The following RORA variants were observed in gnomAD, a reference collection of about 807,000 sequenced individuals.
RORA encodes RAR related orphan receptor A, also known as nuclear receptor ROR-alpha.
In RORA, 7 loss-of-function variants were observed where a neutral mutation model predicts 69.5. That is an observed-to-expected ratio of 0.10 (90% CI 0.06 to 0.19). The LOEUF (loss-of-function observed/expected upper bound fraction) is 0.19, where lower values mean the gene tolerates loss of function less well. Ranked by LOEUF, RORA falls within the 10% of genes least tolerant of loss-of-function variation. The probability of loss-of-function intolerance (pLI) is 1.00; values close to 1 mark genes in which losing one functional copy is unlikely to be tolerated. For missense variants in RORA, 457 were observed against 663.0 expected (o/e 0.69, Z 3.41); for synonymous variants, 261 against 240.8 (o/e 1.08, Z -0.78).
chr15:60,978,009 A>G (rs1000413607), intron 1 of RORA, among the ~76,000 whole-genome samples: 2 of 152,164 alleles, frequency 1.3e-5, no homozygotes, highest in African/African-American at 4.8e-5. Context: ...TGGTAACTCT[A>G]TGTTTAATTT....
intron 1 of RORA, among the ~76,000 whole-genome samples, chr15:61,016,808 A>G (rs1895305894): frequency 6.6e-6 from 1 of 152,210 alleles, no homozygotes; most frequent in Non-Finnish European, 1.5e-5. Context: ...TGAGGCAAGC[A>G]GAGAAAACTG....
Position 60,798,935 on chromosome 15 carries a change from CTTT to C in RORA, c.167-120252_167-120250del, listed in dbSNP as rs35043218. 6.9e-5 allele frequency among the ~76,000 whole-genome samples: 10 copies of C among 144,772 alleles called. No homozygotes were observed. In the East Asian group the frequency reaches 8.1e-4, roughly 12 times the overall value. 95.0% of individuals were successfully genotyped at this position (144,772 alleles called of 152,430 possible). On this transcript the variant is annotated intron_variant, in intron 1 of 10. Coordinates refer to ENST00000335670, the MANE Select transcript of RORA (RefSeq NM_134261.3). ...CATCTAGTTATTGCTCAATAAAGGACTTTTTTTTTTTTTTTTAAACTCAAGGAC... is the reference window on the plus strand; with the variant it reads ...CATCTAGTTATTGCTCAATAAAGGACTTTTTTTTTTTTTAAACTCAAGGAC...
At chr15:60,638,505 A>G (rs931747242) in intron 2 of RORA, among the ~76,000 whole-genome samples, 1 of 151,998 alleles carries the variant, frequency 6.6e-6, no homozygotes, top group Non-Finnish European at 1.5e-5. Flanking sequence ...AGTTACAAAA[A>G]GTGGATTTTC....
chr15:60,952,645 T>A (rs1893144554), intron 1 of RORA, among the ~76,000 whole-genome samples: 1 of 151,956 alleles, frequency 6.6e-6, no homozygotes, highest in Admixed American at 6.6e-5. Flanking sequence ...TATACACCAA[T>A]AACAGACAAA....
intron 1 of RORA, among the ~76,000 whole-genome samples, chr15:61,100,659 C>A (rs1384355718): frequency 6.6e-6 from 1 of 152,144 alleles, no homozygotes; most frequent in Non-Finnish European, 1.5e-5. Context: ...TGCACTCCCC[C>A]TAATGGAAAG....
chr15:60,992,020 T>G (rs1168505680), intron 1 of RORA, among the ~76,000 whole-genome samples: 2 of 152,006 alleles, frequency 1.3e-5, no homozygotes, highest in East Asian at 3.8e-4. Context: ...ATAAATAAAA[T>G]CAAGTCTTTG....
intron 2 of RORA, among the ~76,000 whole-genome samples, chr15:60,576,495 CA>C (rs2140469015): frequency 6.6e-6 from 1 of 152,318 alleles, no homozygotes; most frequent in South Asian, 2.1e-4. Flanking sequence ...TAGATGCCAA[CA>C]AAGTGATTAT....
rs74019964 is a variant in RORA at position 60,965,063 on chromosome 15, C to G, written c.166+263990G>C. Among the ~76,000 whole-genome samples, 871 of 152,218 alleles carry G rather than the reference C, an allele frequency of 5.7e-3. 11 individuals carry two copies. Among genetic ancestry groups the G allele is most frequent in the African/African-American group, 0.02 (829 of 41,510 alleles). On this transcript the variant is annotated intron_variant, in intron 1 of 10. Coordinates refer to ENST00000335670, the MANE Select transcript of RORA (RefSeq NM_134261.3). ...CATTTATTGAGTGCCAACGATGAAC[C>G]AGGCATAGATTAGGTTCTAGAGATT...
chr15:60,747,714 G>T (rs923632670), intron 1 of RORA, among the ~76,000 whole-genome samples: 1 of 152,154 alleles, frequency 6.6e-6, no homozygotes, highest in African/African-American at 2.4e-5. Context: ...CACAAGCAAG[G>T]CAAGGAGCAG....
At chr15:61,173,952 C>T (rs1274260750) in intron 1 of RORA, among the ~76,000 whole-genome samples, 3 of 152,204 alleles carry the variant, frequency 2.0e-5, no homozygotes, top group Non-Finnish European at 2.9e-5. Flanking sequence ...GGGTCTGAAT[C>T]AGCAGGTGAG....
Position 61,131,097 on chromosome 15 carries a change from C to A in RORA, c.166+97956G>T, listed in dbSNP as rs1263132566. ...CTCTGTAATATCCAGTGAGGCAAAA[C>A]CCAAGTCACTCAAGAGTGGGAAGGA... On this transcript the variant is annotated intron_variant, in intron 1 of 10. Coordinates refer to ENST00000335670, the MANE Select transcript of RORA (RefSeq NM_134261.3). The surrounding 1 kb of genome is among the most constrained non-coding windows in gnomAD (Gnocchi z 4.2). Among the ~76,000 whole-genome samples the A allele has an allele frequency of 1.3e-5, 2 of 152,152 alleles. No individual in the cohort carries two copies. Among genetic ancestry groups the A allele is most frequent in the African/African-American group, 4.8e-5 (2 of 41,418 alleles).
chr15:61,158,405 A>G (rs2079464503), intron 1 of RORA, among the ~76,000 whole-genome samples: 2 of 152,178 alleles, frequency 1.3e-5, no homozygotes, highest in Non-Finnish European at 2.9e-5. Context: ...AATCTGCAGC[A>G]TTAATTGGAT....
chr15:61,055,110 T>G (rs995739568), intron 1 of RORA, among the ~76,000 whole-genome samples: 2 of 152,194 alleles, frequency 1.3e-5, no homozygotes, highest in Non-Finnish European at 2.9e-5. Flanking sequence ...GTGCTGGGAT[T>G]ATAGGTGTGA....
chr15:60,505,322 G>A (rs540186647), intron 6 of RORA, among the ~76,000 whole-genome samples, 186 bp downstream of exon 6: 9 of 152,314 alleles, frequency 5.9e-5, no homozygotes, highest in Admixed American at 3.3e-4. Context: ...TGCTATTGCT[G>A]AAATTTTGCA....
chr15:60,609,663 A>G (rs1332651018), intron 2 of RORA, among the ~76,000 whole-genome samples: 1 of 152,202 alleles, frequency 6.6e-6, no homozygotes, highest in East Asian at 1.9e-4. Flanking sequence ...ATGGGAAGAC[A>G]CAGAAGAGGT....
intron 1 of RORA, among the ~76,000 whole-genome samples, chr15:61,175,543 A>AAT (rs1270032596): frequency 6.9e-5 from 10 of 145,544 alleles, no homozygotes; most frequent in Middle Eastern, 3.5e-3. Flanking sequence ...CCTGTTTCTA[A>AAT]AAAAAAAAAA....
chr15:60,630,928 C>A (rs1055830404), intron 2 of RORA, among the ~76,000 whole-genome samples: 1 of 143,618 alleles, frequency 7.0e-6, no homozygotes, highest in Non-Finnish European at 1.5e-5. Context: ...CGCTCTGTCA[C>A]CAAGCTGGAG....
At chr15:61,084,269 A>G (rs565293492) in intron 1 of RORA, among the ~76,000 whole-genome samples, 20 of 152,334 alleles carry the variant, frequency 1.3e-4, no homozygotes, top group Admixed American at 1.3e-3. Flanking sequence ...CCCATTAACC[A>G]TGCTTGATGA....
At chr15:60,876,570 AC>A (rs2073618892) in intron 1 of RORA, among the ~76,000 whole-genome samples, 1 of 152,166 alleles carries the variant, frequency 6.6e-6, no homozygotes, top group Non-Finnish European at 1.5e-5. Context: ...TAAGAGTCAC[AC>A]AACTTCAGTC....
Sources: allele counts gnomAD v4.1 joint callset (sites outside exome capture counted in the v4.1 genomes callset), GRCh38; gene constraint gnomAD v4.1.1; non-coding constraint Gnocchi (gnomAD v3.1); transcripts MANE v1.5; gene names NCBI Gene and HGNC (gene_info 2026-07-23, HGNC 2026-07-21).